MRPS27: variants seen among roughly 807,000 people sequenced by gnomAD.
MRPS27 encodes mitochondrial ribosomal protein S27, also known as small ribosomal subunit protein mS27.
A neutral mutation model predicts 48.9 loss-of-function variants in MRPS27; 43 were observed. That is an observed-to-expected ratio of 0.88 (90% confidence interval 0.69 to 1.13). MRPS27 has a LOEUF of 1.13. Among genes scored for constraint, MRPS27 ranks in the 50% most tolerant of loss-of-function variants. The pLI is 0.00. For synonymous variants in MRPS27, 188 were observed against 171.9 expected (o/e 1.09, Z -0.73); for missense variants, 467 against 476.3 (o/e 0.98, Z 0.18).
At chr5:72,250,471 G>A (rs1748635776) in intron 4 of MRPS27, among the ~76,000 whole-genome samples, 1 of 152,084 alleles carries the variant, frequency 6.6e-6, no homozygotes, top group Non-Finnish European at 1.5e-5. Flanking sequence ...CAAAATTACT[G>A]TTATCACAGA....
chr5:72,229,280 C>A (rs1461692472), intron 7 of MRPS27: 1 of 152,218 alleles, frequency 6.6e-6, no homozygotes, highest in Non-Finnish European at 1.5e-5. Context: ...GTTACAACCA[C>A]GGGCAAGTGA....
intron 4 of MRPS27, among the ~76,000 whole-genome samples, chr5:72,274,642 G>A (rs1310843888): frequency 2.6e-5 from 4 of 152,106 alleles, no homozygotes; most frequent in African/African-American, 9.7e-5. Context: ...TAAACCAGTA[G>A]TATAGTTCAT....
chr5:72,279,906 C>T (rs1364393350), intron 4 of MRPS27, among the ~76,000 whole-genome samples: 1 of 151,950 alleles, frequency 6.6e-6, no homozygotes, highest in Non-Finnish European at 1.5e-5. Flanking sequence ...TGAGTATGTT[C>T]ATATATTTTG....
rs1326854903 is a variant in MRPS27, at chr5:72,295,582, T to C, written c.230A>G (p.Asp77Gly). The stretch of plus-strand genomic sequence containing the variant: ...TATCTCTTCCCGAGAGGAAATGTTG[T>C]CTATAAGCTAAAAGACAGAAAAAGA... ...VSSLTISRLI[D>G]NISSREEIDH... Residue 77 changes from aspartate to glycine, a missense_variant, in exon 4 of 11, where the codon GAC (aspartate) becomes GGC (glycine). Physicochemically the swap from Asp to Gly is moderately conservative, Grantham distance 94. Coordinates refer to ENST00000261413, the MANE Select transcript of MRPS27 (RefSeq NM_015084.3). 6.2e-7 allele frequency: 1 copy of C among 1,609,572 alleles called. No homozygotes were observed. Among genetic ancestry groups the C allele is most frequent in the Non-Finnish European group, 8.5e-7 (1 of 1,176,194 alleles).
chr5:72,295,645 C>T (rs1749958380), intron 3 of MRPS27, 56 bp from the exon 4 acceptor site: 2 of 1,361,026 alleles, frequency 1.5e-6, no homozygotes, highest in Non-Finnish European at 2.1e-6. Flanking sequence ...ATATATTTGG[C>T]CTAGGGCCTA....
rs574025032 is a variant in MRPS27 at position 72,249,489 on chromosome 5, G to A, written c.282-11361C>T. ...ACTTGAGGTCAGGAGTTCAAGACCA[G>A]CCTGGCCAAAATGGTGAAACCCCGT... On this transcript the variant is annotated intron_variant, in intron 4 of 10. Transcript: ENST00000261413. Among the ~76,000 whole-genome samples the A allele has an allele frequency of 2.6e-5, 4 of 151,822 alleles. No individual in the cohort carries two copies. In the South Asian group the frequency reaches 8.3e-4, roughly 32 times the overall value.
chr5:72,228,285 C>T lies in MRPS27; in HGVS notation c.675G>A (p.Leu225=), dbSNP rs1307981346. The T allele has an allele frequency of 6.2e-7, 1 of 1,613,172 alleles. No homozygotes were observed. The highest frequency in any genetic ancestry group is 2.2e-5 in the East Asian group (1 of 44,864). ...QKNSVGFSSQ[L]YGYALLGKVE... Reference sequence around the variant, plus strand: ...GCTTACCAAGAAGTGCATAGCCATACAACTGGGAACTGAAACCCACTGAGT... The same window carrying T: ...GCTTACCAAGAAGTGCATAGCCATATAACTGGGAACTGAAACCCACTGAGT... Residue 225 remains leucine, a synonymous_variant, in exon 8 of 11, where the codon TTG becomes TTA. Coordinates refer to ENST00000261413, the MANE Select transcript of MRPS27 (RefSeq NM_015084.3).
chr5:72,314,284 G>A, intron 1 of MRPS27, 126 bp from the exon 2 acceptor site: 2 of 568,884 alleles, frequency 3.5e-6, no homozygotes, highest in Middle Eastern at 4.8e-4. Context: ...ATCTAATACA[G>A]TACAGCAACC....
chr5:72,238,173 T>A (rs965241592), intron 4 of MRPS27, 45 bp from the exon 5 acceptor site: 1 of 1,286,750 alleles, frequency 7.8e-7, no homozygotes, highest in African/African-American at 1.5e-5. Flanking sequence ...AACTCTTATA[T>A]GTTAAAACAC....
At chr5:72,303,824 G>A (rs949991940) in intron 2 of MRPS27, among the ~76,000 whole-genome samples, 1 of 143,562 alleles carries the variant, frequency 7.0e-6, no homozygotes, top group Non-Finnish European at 1.5e-5. Context: ...TGAGGTGGGA[G>A]GATCACTTAA....
intron 2 of MRPS27, among the ~76,000 whole-genome samples, chr5:72,307,658 C>A (rs748082731): frequency 1.4e-5 from 2 of 147,754 alleles, no homozygotes. Context: ...TCTACACCTT[C>A]AAATGTTAAA....
At chr5:72,279,099 T>C (rs981325423) in intron 4 of MRPS27, among the ~76,000 whole-genome samples, 1 of 152,348 alleles carries the variant, frequency 6.6e-6, no homozygotes, top group South Asian at 2.1e-4. Context: ...AATTTTAAAC[T>C]CCCACTAGTA....
chr5:72,314,008 T>C, intron 2 of MRPS27, 73 bp downstream of exon 2: 2 of 1,062,660 alleles, frequency 1.9e-6, no homozygotes, highest in Middle Eastern at 4.0e-4. Context: ...CATATATACG[T>C]TATATGAATA....
rs547745335 is a variant in MRPS27 at position 72,290,856 on chromosome 5, T to C, written c.281+4675A>G. ...TTATGCCCACTGAACAGACATTTCC[T>C]GTCAGCAGCTGTTAGCTGAGCTGTT... On this transcript the variant is annotated intron_variant, in intron 4 of 10. Transcript: ENST00000261413. Among the ~76,000 whole-genome samples the C allele has an allele frequency of 1.1e-4, 17 of 152,382 alleles. No individual in the cohort carries two copies. The South Asian group carries it at 3.5e-3, about 32-fold the overall frequency.
intron 4 of MRPS27, among the ~76,000 whole-genome samples, chr5:72,272,152 CTATG>C (rs1307194832): frequency 5.9e-5 from 9 of 152,280 alleles, no homozygotes; most frequent in African/African-American, 2.2e-4. Flanking sequence ...AAACTAAGGC[CTATG>C]GGATACTTTA....
intron 2 of MRPS27, among the ~76,000 whole-genome samples, chr5:72,303,234 A>C (rs1228733069): frequency 1.3e-5 from 2 of 152,222 alleles, no homozygotes; most frequent in South Asian, 2.1e-4. Context: ...ACACCTGTAC[A>C]TTGGTCAAAA....
chr5:72,257,123 C>A (rs1167364143), intron 4 of MRPS27, among the ~76,000 whole-genome samples: 1 of 152,158 alleles, frequency 6.6e-6, no homozygotes, highest in African/African-American at 2.4e-5. Context: ...ACCCTCCACC[C>A]AATTTTATTT....
rs1431746685 is a variant in MRPS27, at chr5:72,220,649, C to T, written c.*260G>A. ...ATAACTAATCCCTGTGCCCCAGGAA[C>T]TCCATTATGAGCCTCAAGAGTCCTC... On this transcript the variant is annotated 3_prime_UTR_variant, in exon 11 of 11. Coordinates refer to ENST00000261413, the MANE Select transcript of MRPS27 (RefSeq NM_015084.3). 2.1e-6 allele frequency: 1 copy of T among 479,722 alleles called. No individual in the cohort carries two copies. Among genetic ancestry groups the T allele is most frequent in the Admixed American group, 3.6e-5 (1 of 27,476 alleles). 29.7% of individuals were successfully genotyped at this position (479,722 alleles called of 1,614,324 possible).
chr5:72,285,819 C>T (rs1004533687), intron 4 of MRPS27, among the ~76,000 whole-genome samples: 6 of 152,332 alleles, frequency 3.9e-5, no homozygotes, highest in Non-Finnish European at 8.8e-5. Flanking sequence ...GCCACTGCAC[C>T]TAGTTGTAAT....
Sources: allele counts gnomAD v4.1 joint callset (sites outside exome capture counted in the v4.1 genomes callset), GRCh38; gene constraint gnomAD v4.1.1; transcripts MANE v1.5; gene names NCBI Gene and HGNC (gene_info 2026-07-23, HGNC 2026-07-21).